Variants in NEDD4L observed in about 807,000 individuals in gnomAD.
NEDD4L encodes NEDD4 like E3 ubiquitin protein ligase.
NEDD4L carries 54 observed loss-of-function variants against 148.9 expected under a neutral mutation model. The ratio of observed to expected loss-of-function variants is 0.36; its 90% CI spans 0.29 to 0.45. The LOEUF is 0.45. Among genes scored for constraint, NEDD4L ranks in the 20% least tolerant of loss-of-function variants. The probability of loss-of-function intolerance (pLI) is 1.00; values close to 1 mark genes in which losing one functional copy is unlikely to be tolerated. For synonymous variants in NEDD4L, 433 were observed against 440.7 expected (o/e 0.98, Z 0.22); for missense variants, 856 against 1,233.8 (o/e 0.69, Z 4.59).
chr18:58,351,723 A>T (rs1373676650), intron 18 of NEDD4L, among the ~76,000 whole-genome samples: 4 of 152,114 alleles, frequency 2.6e-5, no homozygotes, highest in Admixed American at 1.3e-4. Flanking sequence ...TATGTCCCTT[A>T]AATTTTCTGA....
chr18:58,209,890 G>C (rs1265383493), intron 2 of NEDD4L, among the ~76,000 whole-genome samples: 1 of 152,142 alleles, frequency 6.6e-6, no homozygotes, highest in Non-Finnish European at 1.5e-5. Context: ...TGAGAGGCCG[G>C]GCATGATGGC....
At chr18:58,355,484 G>A (rs1601633136) in intron 18 of NEDD4L, among the ~76,000 whole-genome samples, 1 of 152,322 alleles carries the variant, frequency 6.6e-6, no homozygotes, top group East Asian at 1.9e-4. Context: ...CTGAGGACTT[G>A]CGAATCCCAA....
intron 11 of NEDD4L, among the ~76,000 whole-genome samples, chr18:58,332,313 G>A (rs577821721): frequency 6.6e-6 from 1 of 152,190 alleles, no homozygotes; most frequent in South Asian, 2.1e-4. Flanking sequence ...GAGTCAAATC[G>A]GATATTTGCT....
At chr18:58,316,271 T>C (rs1005893193) in intron 6 of NEDD4L, among the ~76,000 whole-genome samples, 3 of 152,044 alleles carry the variant, frequency 2.0e-5, no homozygotes, top group African/African-American at 7.2e-5. Flanking sequence ...ATCCACCAGC[T>C]CCCTCTCTTT....
intron 2 of NEDD4L, among the ~76,000 whole-genome samples, chr18:58,227,333 G>C (rs965999849): frequency 6.6e-6 from 1 of 152,182 alleles, no homozygotes; most frequent in African/African-American, 2.4e-5. Flanking sequence ...AGACTTAGGA[G>C]GGTCTGTGTG....
At chr18:58,334,168 T>G (rs140590001) in intron 12 of NEDD4L, 61 of 372,172 alleles carry the variant, frequency 1.6e-4, no homozygotes, top group African/African-American at 1.0e-3. Flanking sequence ...CTTGGTACAT[T>G]AGTTAGTAAT....
intron 1 of NEDD4L, among the ~76,000 whole-genome samples, chr18:58,154,095 T>G (rs570309962): frequency 1.8e-4 from 27 of 152,230 alleles, no homozygotes; most frequent in Non-Finnish European, 3.8e-4. Context: ...GAATAAAATA[T>G]TCAACAGAAA....
At chr18:58,337,322 T>C (rs148007210) in intron 13 of NEDD4L, among the ~76,000 whole-genome samples, 58 of 152,340 alleles carry the variant, frequency 3.8e-4, no homozygotes, top group African/African-American at 1.3e-3. Context: ...CATCCATTTC[T>C]CTTCTGCTGT....
intron 2 of NEDD4L, among the ~76,000 whole-genome samples, chr18:58,229,221 G>A (rs1179797609): frequency 6.6e-6 from 1 of 152,098 alleles, no homozygotes; most frequent in Admixed American, 6.6e-5. Context: ...AGTGATATTT[G>A]GCTAGAATAC....
intron 1 of NEDD4L, among the ~76,000 whole-genome samples, chr18:58,105,487 A>G (rs2085018630): frequency 6.6e-6 from 1 of 152,232 alleles, no homozygotes; most frequent in South Asian, 2.1e-4. Context: ...TTGCTAATGA[A>G]CCTAATTATT....
intron 2 of NEDD4L, among the ~76,000 whole-genome samples, chr18:58,236,356 C>CAA (rs1038313418): frequency 7.0e-6 from 1 of 143,404 alleles, no homozygotes; most frequent in Non-Finnish European, 1.5e-5. Context: ...GACCCTGTCT[C>CAA]AAAAAAAAAA....
intron 1 of NEDD4L, among the ~76,000 whole-genome samples, chr18:58,055,621 A>C (rs1032371465): frequency 1.2e-4 from 18 of 152,196 alleles, no homozygotes; most frequent in African/African-American, 4.1e-4. Flanking sequence ...GGTCATTTTC[A>C]TATTAGGAGC....
intron 2 of NEDD4L, among the ~76,000 whole-genome samples, chr18:58,183,261 A>G (rs2039053668): frequency 6.6e-6 from 1 of 152,194 alleles, no homozygotes; most frequent in African/African-American, 2.4e-5. Context: ...CACCCTATAA[A>G]TAAGTTCCTC....
chr18:58,365,884 C>T (rs1459884954), intron 20 of NEDD4L, 115 bp from the exon 21 acceptor site: 1 of 671,312 alleles, frequency 1.5e-6, no homozygotes, highest in Non-Finnish European at 2.5e-6. Flanking sequence ...AACCATTTGT[C>T]ACTGCCTGTT....
chr18:58,204,574 C>T (rs1285971717), intron 2 of NEDD4L, among the ~76,000 whole-genome samples: 2 of 152,122 alleles, frequency 1.3e-5, no homozygotes, highest in African/African-American at 4.8e-5. Flanking sequence ...CTTGGGATTG[C>T]TCCAACCAAA....
intron 24 of NEDD4L, among the ~76,000 whole-genome samples, chr18:58,378,987 A>G (rs1362082789): frequency 6.6e-6 from 1 of 152,186 alleles, no homozygotes; most frequent in African/African-American, 2.4e-5. Context: ...GAATTTTTCT[A>G]CTGCAGTGTT....
chr18:58,176,276 C>CTG (rs1220760229), intron 2 of NEDD4L, among the ~76,000 whole-genome samples: 4 of 151,984 alleles, frequency 2.6e-5, no homozygotes, highest in African/African-American at 7.3e-5. Context: ...CTCTGTCGTC[C>CTG]TCTCTCTCTC....
chr18:58,255,727 C>T lies in NEDD4L; in HGVS notation c.297+3673C>T, dbSNP rs193257974. ...ACATCCTAGACCAGGAGAGAGAAGA[C>T]GACTTCTTCATGGCATTCCACACCC... is the stretch of plus-strand genomic sequence containing the variant. On this transcript the variant is annotated intron_variant, in intron 5 of 30. Coordinates refer to ENST00000400345, the MANE Select transcript of NEDD4L (RefSeq NM_001144967.3). The T allele has an allele frequency of 2.2e-4, 269 of 1,232,418 alleles. 1 individual carries two copies. The African/African-American group carries it at 3.5e-3, about 16-fold the overall frequency. The allele number at this position is 1,232,418 out of a possible 1,614,324, so 76.3% of individuals were successfully genotyped here. A position where few individuals can be genotyped will look rare whatever the true frequency, so the allele number is the denominator to read the frequency against.
At chr18:58,228,524 G>A (rs547972209) in intron 2 of NEDD4L, among the ~76,000 whole-genome samples, 2 of 152,332 alleles carry the variant, frequency 1.3e-5, no homozygotes, top group African/African-American at 2.4e-5. Flanking sequence ...AAGAACCAGT[G>A]CAGAGTGGGT....
Sources: allele counts gnomAD v4.1 joint callset (sites outside exome capture counted in the v4.1 genomes callset), GRCh38; gene constraint gnomAD v4.1.1; transcripts MANE v1.5; gene names NCBI Gene and HGNC (gene_info 2026-07-23, HGNC 2026-07-21).